NPAS3: variants seen among roughly 807,000 people sequenced by gnomAD.
The protein encoded by NPAS3 is neuronal PAS domain-containing protein 3.
In NPAS3, 14 loss-of-function variants were observed where a neutral mutation model predicts 73.1. The ratio of observed to expected loss-of-function variants is 0.19; its 90% CI spans 0.13 to 0.30. The LOEUF (loss-of-function observed/expected upper bound fraction) is 0.30. Ranked by LOEUF, NPAS3 falls within the 10% of genes least tolerant of loss-of-function variation. The probability of loss-of-function intolerance (pLI) is 1.00; values close to 1 mark genes in which losing one functional copy is unlikely to be tolerated. For synonymous variants in NPAS3, 620 were observed against 541.5 expected (o/e 1.14, Z -2.01); for missense variants, 1,096 against 1,250.0 (o/e 0.88, Z 1.86).
At chr14:33,788,607 G>A (rs889519476) in intron 9 of NPAS3, among the ~76,000 whole-genome samples, 1 of 152,142 alleles carries the variant, frequency 6.6e-6, no homozygotes, top group African/African-American at 2.4e-5. Flanking sequence ...CTTTGATTTT[G>A]TAGAACAGCC....
chr14:33,157,420 G>GA (rs1339952345), intron 2 of NPAS3, among the ~76,000 whole-genome samples: 2 of 152,188 alleles, frequency 1.3e-5, no homozygotes, highest in Non-Finnish European at 2.9e-5. Flanking sequence ...GAAGGTGAAA[G>GA]AACCTGTCCT....
chr14:33,521,852 A>G (rs1169193529), intron 4 of NPAS3, among the ~76,000 whole-genome samples: 1 of 152,164 alleles, frequency 6.6e-6, no homozygotes, highest in African/African-American at 2.4e-5. Context: ...TGCTAAATAA[A>G]TCAAAACAGA....
At chr14:33,687,110 G>A (rs542964839) in intron 6 of NPAS3, among the ~76,000 whole-genome samples, 1 of 152,236 alleles carries the variant, frequency 6.6e-6, no homozygotes, top group South Asian at 2.1e-4. Context: ...ACAGAAATAT[G>A]CCTGTGGTCA....
chr14:33,437,232 G>A (rs1397408036), intron 4 of NPAS3, among the ~76,000 whole-genome samples: 1 of 152,146 alleles, frequency 6.6e-6, no homozygotes, highest in African/African-American at 2.4e-5. Flanking sequence ...CTTCTAATTA[G>A]TTGATCTCAT....
chr14:33,264,064 C>T (rs558726177), intron 3 of NPAS3, among the ~76,000 whole-genome samples: 29 of 152,276 alleles, frequency 1.9e-4, no homozygotes, highest in African/African-American at 6.7e-4. Context: ...AAATGTGGCA[C>T]ATATGCACCA....
intron 2 of NPAS3, among the ~76,000 whole-genome samples, chr14:33,183,296 G>T (rs1350414949): frequency 6.6e-6 from 1 of 151,956 alleles, no homozygotes; most frequent in Non-Finnish European, 1.5e-5. Context: ...CATGGTGGTG[G>T]GCGCCTGTAA....
intron 3 of NPAS3, among the ~76,000 whole-genome samples, chr14:33,322,045 C>CT (rs2043470910): frequency 1.3e-5 from 2 of 152,112 alleles, no homozygotes; most frequent in South Asian, 2.1e-4. Flanking sequence ...GATGGGTTTG[C>CT]TTTGCAGAGC....
At chr14:33,358,182 C>T (rs2045424267) in intron 3 of NPAS3, among the ~76,000 whole-genome samples, 1 of 152,126 alleles carries the variant, frequency 6.6e-6, no homozygotes, top group African/African-American at 2.4e-5. Context: ...CGGTGCCAAG[C>T]CAGATGCTGC....
At chr14:33,063,386 G>A (rs1213103552) in intron 2 of NPAS3, among the ~76,000 whole-genome samples, 2 of 152,134 alleles carry the variant, frequency 1.3e-5, no homozygotes, top group African/African-American at 2.4e-5. Flanking sequence ...TAAGAAGGCA[G>A]GATGTGGTGG....
chr14:33,651,265 G>A (rs2058985746), intron 5 of NPAS3, among the ~76,000 whole-genome samples: 1 of 152,194 alleles, frequency 6.6e-6, no homozygotes. Context: ...GCATCAGTTA[G>A]TTGGTTGTAT....
intron 4 of NPAS3, among the ~76,000 whole-genome samples, chr14:33,449,582 A>G (rs2049691473): frequency 6.6e-6 from 1 of 152,070 alleles, no homozygotes; most frequent in South Asian, 2.1e-4. Context: ...GAACCACTTT[A>G]TAGCATAAAT....
At chr14:33,050,487 C>A (rs1038495434) in intron 1 of NPAS3, among the ~76,000 whole-genome samples, 1 of 152,118 alleles carries the variant, frequency 6.6e-6, no homozygotes, top group Admixed American at 6.5e-5. Flanking sequence ...TGGCTGTCTC[C>A]GAATTCTGCT....
chr14:33,405,976 T>C (rs549975450), intron 4 of NPAS3, among the ~76,000 whole-genome samples: 8 of 152,262 alleles, frequency 5.3e-5, no homozygotes, highest in African/African-American at 1.9e-4. Flanking sequence ...GTTAAATTTT[T>C]TTTTAAAAGG....
chr14:33,198,675 C>T (rs1310579055), intron 2 of NPAS3, among the ~76,000 whole-genome samples: 1 of 152,244 alleles, frequency 6.6e-6, no homozygotes, highest in African/African-American at 2.4e-5. Flanking sequence ...CAGCTGGTTT[C>T]CCCTAGTGGA....
chr14:33,620,169 G>A (rs1027032631), intron 5 of NPAS3, among the ~76,000 whole-genome samples: 8 of 152,122 alleles, frequency 5.3e-5, no homozygotes, highest in African/African-American at 1.7e-4. Flanking sequence ...GAAAGTTTAT[G>A]CGCACCGACG....
chr14:33,556,954 C>T lies in NPAS3; in HGVS notation c.469-3167C>T, dbSNP rs576023122. On this transcript the variant is annotated intron_variant, in intron 4 of 11. Transcript: ENST00000356141. ...TGAGAAGATGACTTACACAGTTCTC[C>T]GTGATTGTGTACCAAGCCATGGCTA... Among the ~76,000 whole-genome samples the T allele has an allele frequency of 7.9e-5, 12 of 152,200 alleles. No homozygotes were observed. In the South Asian group the frequency reaches 2.1e-3, roughly 26 times the overall value.
At chr14:33,471,866 G>A (rs374134169) in intron 4 of NPAS3, among the ~76,000 whole-genome samples, 35 of 152,170 alleles carry the variant, frequency 2.3e-4, no homozygotes, top group African/African-American at 3.6e-4. Context: ...ATTTACAGCC[G>A]CTCCCTATCA....
At chr14:33,338,309 A>G (rs2044319575) in intron 3 of NPAS3, among the ~76,000 whole-genome samples, 1 of 152,194 alleles carries the variant, frequency 6.6e-6, no homozygotes, top group Non-Finnish European at 1.5e-5. Flanking sequence ...GTTAACAATT[A>G]TAAAAACATT....
intron 4 of NPAS3, among the ~76,000 whole-genome samples, chr14:33,415,684 A>G (rs550602573): frequency 2.0e-5 from 3 of 151,992 alleles, no homozygotes; most frequent in South Asian, 4.2e-4. Context: ...AGCTCTTCAT[A>G]TTTTCCGTCC....
Sources: allele counts gnomAD v4.1 joint callset (sites outside exome capture counted in the v4.1 genomes callset), GRCh38; gene constraint gnomAD v4.1.1; transcripts MANE v1.5; gene names NCBI Gene and HGNC (gene_info 2026-07-23, HGNC 2026-07-21).